Variants in THADA observed in about 807,000 individuals in gnomAD.
The protein encoded by THADA is THADA armadillo repeat containing.
Under a neutral mutation model 219.8 loss-of-function variants are expected in THADA, and 213 were observed. The ratio of observed to expected loss-of-function variants is 0.97; its 90% CI spans 0.87 to 1.09. The LOEUF (loss-of-function observed/expected upper bound fraction) is 1.09, where lower values mean the gene tolerates loss of function less well. THADA is among the 50% of genes least tolerant of loss of function. The probability of loss-of-function intolerance (pLI) is 0.00; values close to 1 mark genes in which losing one functional copy is unlikely to be tolerated. For synonymous variants in THADA, 1,018 were observed against 828.9 expected (o/e 1.23, Z -3.92); for missense variants, 2,956 against 2,311.3 (o/e 1.28, Z -5.72).
At chr2:43,378,513 G>A (rs1158039456) in intron 29 of THADA, among the ~76,000 whole-genome samples, 2 of 152,116 alleles carry the variant, frequency 1.3e-5, no homozygotes, top group African/African-American at 2.4e-5. Flanking sequence ...AATCTTAAAT[G>A]CCACAAAAAC....
At chr2:43,435,305 C>A (rs1179625761) in intron 26 of THADA, among the ~76,000 whole-genome samples, 1 of 151,894 alleles carries the variant, frequency 6.6e-6, no homozygotes, top group African/African-American at 2.4e-5. Flanking sequence ...AAGAAGAATA[C>A]AAAATTAGCC....
At chr2:43,369,638 G>A (rs1305584441) in intron 29 of THADA, among the ~76,000 whole-genome samples, 1 of 152,098 alleles carries the variant, frequency 6.6e-6, no homozygotes, top group East Asian at 1.9e-4. Flanking sequence ...CCTACCTCAG[G>A]CCTTCATGAC....
chr2:43,240,522 C>T (rs1415099631), intron 36 of THADA, among the ~76,000 whole-genome samples: 2 of 152,196 alleles, frequency 1.3e-5, no homozygotes, highest in Non-Finnish European at 2.9e-5. Flanking sequence ...CCTACCTCCC[C>T]TTACCCTCTA....
chr2:43,428,379 G>A (rs1386346116), intron 27 of THADA, 148 bp from the exon 28 acceptor site: 18 of 678,616 alleles, frequency 2.7e-5, no homozygotes, highest in South Asian at 7.2e-5. Flanking sequence ...AGGCCGAGGC[G>A]GATGGATCAC....
At chr2:43,231,465 G>T in intron 37 of THADA, 122 bp from the exon 38 acceptor site, 2 of 1,019,854 alleles carry the variant, frequency 2.0e-6, no homozygotes, top group Non-Finnish European at 2.7e-6. Context: ...GACAGAGGGT[G>T]CACTCTTGCC....
chr2:43,343,631 C>T (rs1667299464), intron 30 of THADA: 1 of 152,480 alleles, frequency 6.6e-6, no homozygotes, highest in Admixed American at 6.5e-5. Flanking sequence ...AAATATGTTT[C>T]TATTCTTTTT....
At chr2:43,296,874 CG>C (rs1479415555) in intron 31 of THADA, among the ~76,000 whole-genome samples, 1 of 150,558 alleles carries the variant, frequency 6.6e-6, no homozygotes, top group Non-Finnish European at 1.5e-5. Flanking sequence ...GAGGAGCGGA[CG>C]GGCCCCGCGG....
chr2:43,552,040 G>T, intron 18 of THADA, 115 bp from the exon 19 acceptor site: 1 of 1,542,868 alleles, frequency 6.5e-7, no homozygotes, highest in East Asian at 2.3e-5. Context: ...CATAAAACAT[G>T]TGAGACATAA....
chr2:43,510,967 TC>T (rs1225519553), intron 22 of THADA, among the ~76,000 whole-genome samples: 3 of 149,344 alleles, frequency 2.0e-5, no homozygotes, highest in Non-Finnish European at 4.4e-5. Flanking sequence ...CAAGACTCCA[TC>T]TCAAAAAAAA....
At chr2:43,544,142 T>C (rs1220099398) in intron 20 of THADA, among the ~76,000 whole-genome samples, 2 of 152,194 alleles carry the variant, frequency 1.3e-5, no homozygotes, top group African/African-American at 2.4e-5. Context: ...CTCTCCCCCA[T>C]TGCTTGTTTT....
At position 43,410,565 on chromosome 2, in the gene THADA, G is replaced by A. The variant is rs1285203618; in HGVS notation, c.4059-12426C>T. Among the ~76,000 whole-genome samples the A allele has an allele frequency of 2.0e-5, 3 of 152,158 alleles. No individual in the cohort carries two copies. In the East Asian group the frequency reaches 5.8e-4, roughly 29 times the overall value. On this transcript the variant is annotated intron_variant, in intron 28 of 37. Transcript: ENST00000405975. ...ACCATTTGGCAATAAAAAGAAACAA[G>A]CTACGGATATACCTAACAACATGGC...
intron 16 of THADA, among the ~76,000 whole-genome samples, chr2:43,559,920 C>T (rs929028292): frequency 1.3e-5 from 2 of 152,190 alleles, no homozygotes; most frequent in Non-Finnish European, 2.9e-5. Flanking sequence ...TCCAAGGGAA[C>T]AGGGGAAACC....
At position 43,282,045 on chromosome 2, in the gene THADA, T is replaced by C. The variant is rs374854045; in HGVS notation, c.5165-2149A>G. On this transcript the variant is annotated intron_variant, in intron 35 of 37. Coordinates refer to ENST00000405975, the MANE Select transcript of THADA (RefSeq NM_022065.5). ...TCGTCCTCCCAAAGTGCTAGGATTA[T>C]AGGCATGAGTCACTGCACCTATTTC... Among the ~76,000 whole-genome samples, 11 of 152,188 alleles carry C rather than the reference T, an allele frequency of 7.2e-5. No homozygotes were observed. In the East Asian group the frequency reaches 1.5e-3, roughly 21 times the overall value.
At chr2:43,232,074 C>T (rs1220063214) in intron 37 of THADA, among the ~76,000 whole-genome samples, 2 of 152,212 alleles carry the variant, frequency 1.3e-5, no homozygotes, top group Non-Finnish European at 2.9e-5. Flanking sequence ...ATGCTTCACC[C>T]TCAGACCTAA....
intron 26 of THADA, chr2:43,463,290 G>A (rs546379563): frequency 1.3e-5 from 2 of 152,260 alleles, no homozygotes; most frequent in African/African-American, 4.8e-5. Flanking sequence ...AAACCAACAG[G>A]TATAAAGAGA....
At chr2:43,584,357 T>C in intron 7 of THADA, among the ~76,000 whole-genome samples, 1 of 152,068 alleles carries the variant, frequency 6.6e-6, no homozygotes, top group Admixed American at 6.6e-5. Flanking sequence ...CCTGAGTACA[T>C]AGGTGGTGGC....
chr2:43,383,900 A>C (rs1672328176), intron 29 of THADA, among the ~76,000 whole-genome samples: 2 of 152,186 alleles, frequency 1.3e-5, no homozygotes, highest in African/African-American at 4.8e-5. Flanking sequence ...TTGAACATAA[A>C]TTCTTGGGCA....
intron 31 of THADA, among the ~76,000 whole-genome samples, chr2:43,296,254 A>G (rs1055772672): frequency 1.3e-5 from 2 of 151,164 alleles, no homozygotes; most frequent in African/African-American, 4.9e-5. Flanking sequence ...CAGAATTCCC[A>G]GCTCACCAGG....
chr2:43,407,247 C>A (rs1310016999), intron 28 of THADA, among the ~76,000 whole-genome samples: 1 of 152,148 alleles, frequency 6.6e-6, no homozygotes, highest in Non-Finnish European at 1.5e-5. Flanking sequence ...AATGGGTAGT[C>A]ATTTTAAGAC....
Sources: gnomAD v4.1 joint callset for allele counts (sites outside exome capture counted in the v4.1 genomes callset) on GRCh38, gnomAD v4.1.1 for gene constraint, MANE v1.5 for transcripts, NCBI Gene and HGNC (gene_info 2026-07-23, HGNC 2026-07-21) for gene names.